UPRT: variants seen among roughly 807,000 people sequenced by gnomAD.
UPRT encodes RP11-311P8.3.
UPRT carries 5 observed loss-of-function variants against 22.6 expected under a neutral mutation model. The ratio of observed to expected loss-of-function variants is 0.22; its 90% CI spans 0.12 to 0.47. The LOEUF (loss-of-function observed/expected upper bound fraction) is 0.47. UPRT is among the 20% of genes least tolerant of loss of function. The pLI, the probability that UPRT is intolerant of heterozygous loss-of-function variation, is 0.99. For synonymous variants in UPRT, 77 were observed against 87.7 expected, an observed-to-expected ratio of 0.88 and a Z score of 0.68; for missense variants, 181 against 239.9, an observed-to-expected ratio of 0.75 and a Z score of 1.62.
At chrX:75,257,853 A>C (rs1386644051) in intron 4 of UPRT, among the ~76,000 whole-genome samples, 4 of 111,387 alleles carry the variant, frequency 3.6e-5, no homozygotes, top group African/African-American at 1.3e-4. Flanking sequence ...TTGATGCAGA[A>C]GAAGGGTGAT....
At chrX:75,231,425 C>A (rs1367387333) in intron 4 of UPRT, among the ~76,000 whole-genome samples, 5 of 112,145 alleles carry the variant, frequency 4.5e-5, no homozygotes, top group Non-Finnish European at 1.9e-5. Flanking sequence ...AAAAAATGAA[C>A]AAAGCTTCCA....
intron 4 of UPRT, among the ~76,000 whole-genome samples, chrX:75,227,627 C>A (rs905981203): frequency 1.8e-5 from 2 of 112,379 alleles, no homozygotes; most frequent in East Asian, 2.8e-4. Flanking sequence ...ACATTGAATT[C>A]TTTTTCATGG....
In UPRT at chrX:75,304,023, A is replaced by G. The variant is rs1399733619; in HGVS notation, c.*512A>G. ...CTCCTGGAATTTTACATTCCCATTA[A>G]TGTCCTCATTCAGTTGGCAGACCTA... On this transcript the variant is annotated 3_prime_UTR_variant, in exon 7 of 7. Coordinates refer to ENST00000373383, the MANE Select transcript of UPRT (RefSeq NM_145052.4). 8.9e-6 allele frequency: 1 copy of G among 112,948 alleles called. No homozygotes were observed. Among genetic ancestry groups the G allele is most frequent in the African/African-American group, 3.2e-5 (1 of 30,829 alleles). 9.3% of individuals were successfully genotyped at this position (112,948 alleles called of 1,213,427 possible).
intron 4 of UPRT, among the ~76,000 whole-genome samples, chrX:75,171,201 A>G (rs1292233364): frequency 1.8e-5 from 2 of 111,420 alleles, no homozygotes; most frequent in Non-Finnish European, 3.8e-5. Context: ...TTCCTCAGGA[A>G]CACTAATTAT....
chrX:75,187,935 T>A (rs1471976074), intron 4 of UPRT, among the ~76,000 whole-genome samples: 1 of 111,914 alleles, frequency 8.9e-6, no homozygotes, highest in Admixed American at 9.5e-5. Context: ...TAAATTTTTT[T>A]CAAAGTTTTC....
At chrX:75,195,562 C>T (rs1254198047) in intron 4 of UPRT, among the ~76,000 whole-genome samples, 1 of 112,369 alleles carries the variant, frequency 8.9e-6, no homozygotes, top group Non-Finnish European at 1.9e-5. Context: ...GCAGTTCTCA[C>T]TGCCAGCTGA....
chrX:75,279,322 A>G (rs978587435), intron 1 of UPRT, among the ~76,000 whole-genome samples: 2 of 111,398 alleles, frequency 1.8e-5, no homozygotes, highest in African/African-American at 6.5e-5. Flanking sequence ...TGTGACGTGC[A>G]AATTGTTTAA....
chrX:75,220,063 A>G (rs974714561), intron 4 of UPRT, among the ~76,000 whole-genome samples: 2 of 111,037 alleles, frequency 1.8e-5, no homozygotes, highest in African/African-American at 3.3e-5. Context: ...AGCTCTAACA[A>G]TATGTGCTTT....
chrX:75,272,247 A>G (rs2082610223), upstream of UPRT, among the ~76,000 whole-genome samples: 1 of 102,934 alleles, frequency 9.7e-6, no homozygotes, highest in Non-Finnish European at 2.0e-5. Context: ...TCCATCAATC[A>G]ATGAGTGGAT....
rs140157887 is a variant in UPRT at position 75,278,212 on chromosome X, C to T, written c.386+3572C>T. On this transcript the variant is annotated intron_variant, in intron 1 of 6. Transcript: ENST00000373383. ...TGAATTGACTTTGGTATGGGGAAAT[C>T]GGGATTGAGCCAGCAGGACTGCATG... Among the ~76,000 whole-genome samples the T allele has an allele frequency of 8.7e-3, 968 of 111,499 alleles. 14 individuals carry two copies. Among genetic ancestry groups the T allele is most frequent in the African/African-American group, 0.03 (930 of 30,743 alleles).
At chrX:75,291,292 C>T in intron 1 of UPRT, 1 of 218,801 alleles carries the variant, frequency 4.6e-6, no homozygotes, top group East Asian at 1.6e-4. Flanking sequence ...AAAAATATTC[C>T]AGGGATGTGT....
intron 4 of UPRT, among the ~76,000 whole-genome samples, chrX:75,171,649 TTG>T (rs753106199): frequency 6.3e-5 from 1 of 15,974 alleles, no homozygotes; most frequent in East Asian, 0.038. Flanking sequence ...TTAAAGAAGG[TTG>T]TTTTTTTTTT....
chrX:75,188,359 C>T (rs2082302362), intron 4 of UPRT, among the ~76,000 whole-genome samples: 1 of 112,192 alleles, frequency 8.9e-6, no homozygotes, highest in Admixed American at 9.4e-5. Context: ...AGGGACCCAC[C>T]TGAGGAGGCA....
chrX:75,219,416 T>C, intron 4 of UPRT, among the ~76,000 whole-genome samples: 1 of 112,375 alleles, frequency 8.9e-6, no homozygotes, highest in Non-Finnish European at 1.9e-5. Flanking sequence ...GCTATCATTC[T>C]TAGATGTAGA....
intron 4 of UPRT, among the ~76,000 whole-genome samples, chrX:75,224,282 T>A (rs2147637606): frequency 8.9e-6 from 1 of 111,948 alleles, no homozygotes; most frequent in East Asian, 2.8e-4. Context: ...CCTGTTTATT[T>A]TCCCCAAATA....
chrX:75,178,414 C>T (rs759941016), intron 4 of UPRT, among the ~76,000 whole-genome samples: 21 of 111,658 alleles, frequency 1.9e-4, no homozygotes, highest in Admixed American at 4.7e-4. Flanking sequence ...ATTGTCTCAC[C>T]GCTTGGCGAT....
intron 4 of UPRT, among the ~76,000 whole-genome samples, chrX:75,226,403 C>G (rs1372359300): frequency 1.8e-5 from 2 of 111,720 alleles, no homozygotes; most frequent in Non-Finnish European, 3.8e-5. Context: ...GTCTTCTAAT[C>G]ACACGGAAAG....
At chrX:75,202,023 A>G (rs1191602035) in intron 4 of UPRT, among the ~76,000 whole-genome samples, 1 of 111,982 alleles carries the variant, frequency 8.9e-6, no homozygotes, top group East Asian at 2.8e-4. Flanking sequence ...CTTCAGAAAA[A>G]TGAAAATTAT....
chrX:75,173,621 G>T (rs947632789), intron 4 of UPRT, among the ~76,000 whole-genome samples: 1 of 112,717 alleles, frequency 8.9e-6, no homozygotes, highest in Non-Finnish European at 1.9e-5. Context: ...TTGGGTGGTC[G>T]ATGGGACTGG....
Sources: gnomAD v4.1 joint callset for allele counts (sites outside exome capture counted in the v4.1 genomes callset) on GRCh38, gnomAD v4.1.1 for gene constraint, MANE v1.5 for transcripts, NCBI Gene and HGNC (gene_info 2026-07-23, HGNC 2026-07-21) for gene names.